PRKD1: variants seen among roughly 807,000 people sequenced by gnomAD.
PRKD1 encodes serine/threonine-protein kinase D1.
In PRKD1, 63 loss-of-function variants were observed where a neutral mutation model predicts 95.9. That is an observed-to-expected ratio of 0.66 (90% CI 0.54 to 0.81). PRKD1 has a LOEUF of 0.81. Among genes scored for constraint, PRKD1 ranks in the 30% least tolerant of loss-of-function variants. PRKD1 has a pLI of 0.00. For missense variants in PRKD1, 1,048 were observed against 1,165.3 expected, an observed-to-expected ratio of 0.90 and a Z score of 1.47; for synonymous variants, 425 against 423.1, an observed-to-expected ratio of 1.00 and a Z score of -0.05.
intron 2 of PRKD1, among the ~76,000 whole-genome samples, chr14:29,704,664 C>G (rs970128013): frequency 2.6e-5 from 4 of 152,018 alleles, no homozygotes; most frequent in African/African-American, 9.7e-5. Flanking sequence ...GCCTGTGTAT[C>G]CCCTCAACAG....
chr14:29,748,784 T>C (rs1887347491), intron 1 of PRKD1, among the ~76,000 whole-genome samples: 1 of 152,178 alleles, frequency 6.6e-6, no homozygotes, highest in African/African-American at 2.4e-5. Context: ...AGATGAATCA[T>C]CTTAATGTAC....
intron 1 of PRKD1, among the ~76,000 whole-genome samples, chr14:29,845,751 T>C (rs1403562726): frequency 6.6e-6 from 1 of 152,172 alleles, no homozygotes. Flanking sequence ...TAGAATACTA[T>C]AGAATAACCA....
intron 1 of PRKD1, among the ~76,000 whole-genome samples, chr14:29,903,941 G>C (rs916672558): frequency 6.6e-6 from 1 of 151,912 alleles, no homozygotes; most frequent in Non-Finnish European, 1.5e-5. Context: ...AATTACATGT[G>C]TTTTTACATA....
chr14:29,856,942 A>C (rs1685131795), intron 1 of PRKD1, among the ~76,000 whole-genome samples: 1 of 152,204 alleles, frequency 6.6e-6, no homozygotes, highest in African/African-American at 2.4e-5. Context: ...TGGAATCACC[A>C]GTCACTTATT....
intron 1 of PRKD1, among the ~76,000 whole-genome samples, chr14:29,867,206 A>T (rs184602632): frequency 2.3e-4 from 35 of 152,300 alleles, no homozygotes; most frequent in African/African-American, 8.4e-4. Flanking sequence ...AGAAAATAAC[A>T]AAGCAAATAA....
chr14:29,780,798 C>A (rs1368705228), intron 1 of PRKD1, among the ~76,000 whole-genome samples: 1 of 152,084 alleles, frequency 6.6e-6, no homozygotes. Flanking sequence ...GGTATATACC[C>A]AAAGGATTAT....
At chr14:29,864,114 A>T (rs1892803334) in intron 1 of PRKD1, among the ~76,000 whole-genome samples, 1 of 152,086 alleles carries the variant, frequency 6.6e-6, no homozygotes, top group South Asian at 2.1e-4. Flanking sequence ...TTATAAATTA[A>T]ATAAGAGAAC....
intron 1 of PRKD1, among the ~76,000 whole-genome samples, chr14:29,850,224 T>C (rs1056544159): frequency 3.3e-5 from 5 of 151,944 alleles, no homozygotes; most frequent in Non-Finnish European, 7.4e-5. Context: ...GAGAAAGAAA[T>C]AAAAGGCATC....
At chr14:29,676,187 T>TTTTTTTG in intron 2 of PRKD1, among the ~76,000 whole-genome samples, 1 of 120,220 alleles carries the variant, frequency 8.3e-6, no homozygotes, top group African/African-American at 3.5e-5. Context: ...GTTTTTGTTT[T>TTTTTTTG]TTTTTTTTTT....
At chr14:29,600,778 A>G (rs1270903343) in intron 13 of PRKD1, among the ~76,000 whole-genome samples, 3 of 152,172 alleles carry the variant, frequency 2.0e-5, no homozygotes, top group East Asian at 3.9e-4. Context: ...ATTAATTGCC[A>G]CATGTCAAGT....
chr14:29,627,480 C>A (rs1039469590), intron 11 of PRKD1, among the ~76,000 whole-genome samples: 2 of 152,166 alleles, frequency 1.3e-5, no homozygotes, highest in African/African-American at 4.8e-5. Context: ...AATTCTTTCT[C>A]TTTGAAATAA....
chr14:29,813,884 A>C (rs890995038), intron 1 of PRKD1, among the ~76,000 whole-genome samples: 7 of 152,180 alleles, frequency 4.6e-5, no homozygotes, highest in African/African-American at 1.7e-4. Flanking sequence ...GAACTGTATA[A>C]ACAACAAAAA....
At chr14:29,649,751 T>C (rs1001314825) in intron 4 of PRKD1, among the ~76,000 whole-genome samples, 2 of 152,342 alleles carry the variant, frequency 1.3e-5, no homozygotes, top group South Asian at 2.1e-4. Context: ...AACTTGACTT[T>C]TTGATTTCCC....
intron 1 of PRKD1, 100 bp from the exon 2 acceptor site, chr14:29,725,774 C>G: frequency 8.2e-7 from 1 of 1,215,248 alleles, no homozygotes; most frequent in Non-Finnish European, 1.1e-6. Flanking sequence ...TAGAAAAGTT[C>G]AAAGTATCTA....
intron 2 of PRKD1, among the ~76,000 whole-genome samples, chr14:29,685,066 T>G (rs1883777386): frequency 6.6e-6 from 1 of 152,228 alleles, no homozygotes; most frequent in Non-Finnish European, 1.5e-5. Context: ...ATGTAATCCC[T>G]CAGATTCCCT....
At chr14:29,826,854 T>TACATATATATATATATATATATACACAC (rs1566623271) in intron 1 of PRKD1, among the ~76,000 whole-genome samples, 7 of 94,054 alleles carry the variant, frequency 7.4e-5, no homozygotes, top group African/African-American at 2.9e-4. Context: ...CATATATATA[T>TACATATATATATATATATATATACACAC]ATATATATAT....
At chr14:29,681,346 T>G (rs1046299730) in intron 2 of PRKD1, among the ~76,000 whole-genome samples, 5 of 151,602 alleles carry the variant, frequency 3.3e-5, no homozygotes, top group African/African-American at 1.2e-4. Flanking sequence ...TTCATGAAAA[T>G]GAGAATATGT....
chr14:29,579,299 TC>T (rs779510374), intron 16 of PRKD1, among the ~76,000 whole-genome samples: 109 of 152,156 alleles, frequency 7.2e-4, no homozygotes, highest in South Asian at 1.9e-3. Context: ...TCCATGTTTC[TC>T]TTTTTGAATT....
intron 12 of PRKD1, among the ~76,000 whole-genome samples, chr14:29,625,895 TATTAAATATTTTTTAA>T (rs1163229841): frequency 6.6e-6 from 1 of 152,120 alleles, no homozygotes; most frequent in African/African-American, 2.4e-5. Context: ...AAAGCATTAA[TATTAAATATTTTTTAA>T]AGACTTGAAA....
Sources: allele counts gnomAD v4.1 joint callset (sites outside exome capture counted in the v4.1 genomes callset), GRCh38; gene constraint gnomAD v4.1.1; transcripts MANE v1.5; gene names NCBI Gene and HGNC (gene_info 2026-07-23, HGNC 2026-07-21).